Variants in C2orf80 observed in about 807,000 individuals in gnomAD.
The protein encoded by C2orf80 is uncharacterized protein C2orf80.
C2orf80 carries 28 observed loss-of-function variants against 30.2 expected under a neutral mutation model. That is an observed-to-expected ratio of 0.93 (90% CI 0.69 to 1.27). The LOEUF is 1.27. C2orf80 is among the 50% of genes most tolerant of loss of function. The pLI, the probability that C2orf80 is intolerant of heterozygous loss-of-function variation, is 0.00. For synonymous variants in C2orf80, 80 were observed against 76.4 expected (o/e 1.05, Z -0.24); for missense variants, 220 against 231.0 (o/e 0.95, Z 0.31).
chr2:208,189,779 A>G (rs1696821967), intron 1 of C2orf80, 174 bp downstream of exon 1: 1 of 620,868 alleles, frequency 1.6e-6, no homozygotes. Flanking sequence ...TGTTTCATAG[A>G]AACAATTCCC....
intron 7 of C2orf80, 73 bp from the exon 8 acceptor site, chr2:208,171,136 A>C (rs1696085992): frequency 1.0e-6 from 1 of 980,164 alleles, no homozygotes; most frequent in African/African-American, 1.6e-5. Context: ...AGTTTCATTT[A>C]ATTTCATTTC....
intron 6 of C2orf80, among the ~76,000 whole-genome samples, chr2:208,176,949 A>G (rs1189112971): frequency 4.6e-5 from 5 of 107,984 alleles, no homozygotes; most frequent in African/African-American, 1.7e-4. Flanking sequence ...ATCTGTATAC[A>G]TATCTGTATA....
intron 6 of C2orf80, among the ~76,000 whole-genome samples, chr2:208,172,888 G>A (rs1331467660): frequency 5.3e-5 from 8 of 151,864 alleles, no homozygotes; most frequent in African/African-American, 1.5e-4. Context: ...AGGCTGAGGC[G>A]GGTGAATCAT....
chr2:208,175,210 CCGGGG>C (rs1356327961), intron 6 of C2orf80, among the ~76,000 whole-genome samples: 1 of 20,234 alleles, frequency 4.9e-5, no homozygotes, highest in Non-Finnish European at 1.4e-4. Context: ...CACTTGAACC[CCGGGG>C]GGGGGGGGGG....
At chr2:208,175,110 C>T (rs2105898552) in intron 6 of C2orf80, among the ~76,000 whole-genome samples, 1 of 151,768 alleles carries the variant, frequency 6.6e-6, no homozygotes, top group East Asian at 1.9e-4. Flanking sequence ...GTGGCAAAAC[C>T]TCGTCTCTAT....
intron 6 of C2orf80, among the ~76,000 whole-genome samples, chr2:208,172,473 C>T (rs937101358): frequency 2.0e-5 from 3 of 152,150 alleles, no homozygotes; most frequent in East Asian, 3.8e-4. Flanking sequence ...TGGCACAGTT[C>T]CCCCTGCCTA....
chr2:208,170,903 T>A, intron 8 of C2orf80, 42 bp downstream of exon 8: 1 of 1,492,404 alleles, frequency 6.7e-7, no homozygotes. Flanking sequence ...ACTCCCAAAA[T>A]AGCTGGTATC....
intron 6 of C2orf80, among the ~76,000 whole-genome samples, chr2:208,176,978 C>CTGT (rs1559340687): frequency 0.045 from 367 of 8,148 alleles, no homozygotes; most frequent in African/African-American, 0.11. Context: ...TACATATATA[C>CTGT]AGAAATGTAT....
intron 6 of C2orf80, among the ~76,000 whole-genome samples, chr2:208,173,120 C>CAA (rs57629811): frequency 5.8e-4 from 42 of 72,376 alleles, no homozygotes; most frequent in East Asian, 5.2e-3. Context: ...AACCTCATCT[C>CAA]AAAAAAAAAA....
chr2:208,175,950 C>T (rs1244541273), intron 6 of C2orf80, among the ~76,000 whole-genome samples: 1 of 152,004 alleles, frequency 6.6e-6, no homozygotes, highest in Admixed American at 6.6e-5. Context: ...GTTCTGGAGG[C>T]GGGGAGCTTG....
intron 7 of C2orf80, 77 bp downstream of exon 7, chr2:208,171,911 C>G: frequency 1.6e-6 from 2 of 1,222,766 alleles, no homozygotes; most frequent in Non-Finnish European, 1.2e-6. Context: ...CAATTTTGAC[C>G]TTACCTGGTG....
At chr2:208,179,538 C>T (rs143319167) in intron 6 of C2orf80, among the ~76,000 whole-genome samples, 5 of 152,310 alleles carry the variant, frequency 3.3e-5, no homozygotes, top group African/African-American at 7.2e-5. Context: ...GCATGGCCCT[C>T]GCCACCTCAC....
At chr2:208,183,895 AT>A (rs1424772259) in intron 3 of C2orf80, among the ~76,000 whole-genome samples, 1 of 152,178 alleles carries the variant, frequency 6.6e-6, no homozygotes, top group Non-Finnish European at 1.5e-5. Context: ...CATATTTACC[AT>A]TTGTCTATCA....
intron 2 of C2orf80, 50 bp downstream of exon 2, chr2:208,186,896 C>A: frequency 1.3e-6 from 2 of 1,522,712 alleles, no homozygotes; most frequent in Non-Finnish European, 9.1e-7. Flanking sequence ...GACATGAAAT[C>A]CACCGAATGC....
At chr2:208,189,904 T>G (rs573513721) in intron 1 of C2orf80, 49 bp downstream of exon 1, 1 of 702,742 alleles carries the variant, frequency 1.4e-6, no homozygotes, top group South Asian at 1.5e-5. Flanking sequence ...TCTCGGGCTG[T>G]TCTATTAAGT....
chr2:208,188,448 A>ATTTTTTTTTT (rs1177780286), intron 1 of C2orf80, among the ~76,000 whole-genome samples: 5 of 140,174 alleles, frequency 3.6e-5, no homozygotes, highest in African/African-American at 1.3e-4. Context: ...ATTATTTTGG[A>ATTTTTTTTTT]TTTTTTTTTT....
Position 208,175,221 on chromosome 2 carries a change from G to A in C2orf80, c.367-3146C>T, listed in dbSNP as rs918625722. ...GAATCACTTGAACCCCGGGGGGGGG[G>A]GGGGCGGAGGTTGCAGTGAGCCAAG... On this transcript the variant is annotated intron_variant, in intron 6 of 8. Coordinates refer to ENST00000341287, the MANE Select transcript of C2orf80 (RefSeq NM_001099334.3). Among the ~76,000 whole-genome samples the A allele has an allele frequency of 3.0e-4, 44 of 145,990 alleles. 1 individual carries two copies. The highest frequency in any genetic ancestry group is 1.0e-3 in the African/African-American group (39 of 38,660).
At chr2:208,180,449 C>CAAA (rs59005854) in intron 6 of C2orf80, among the ~76,000 whole-genome samples, 1 of 129,164 alleles carries the variant, frequency 7.7e-6, no homozygotes, top group Admixed American at 8.1e-5. Context: ...GACTCTGTCT[C>CAAA]AAAAAAAAAA....
At chr2:208,166,487 C>A in intron 8 of C2orf80, among the ~76,000 whole-genome samples, 1 of 152,136 alleles carries the variant, frequency 6.6e-6, no homozygotes, top group East Asian at 1.9e-4. Flanking sequence ...GGCCTTTTAG[C>A]AGTTATGTAT....
Sources: allele counts gnomAD v4.1 joint callset (sites outside exome capture counted in the v4.1 genomes callset), GRCh38; gene constraint gnomAD v4.1.1; transcripts MANE v1.5; gene names NCBI Gene and HGNC (gene_info 2026-07-23, HGNC 2026-07-21).